Variants in DDX60 observed in about 807,000 individuals in gnomAD.
DDX60 encodes the protein probable ATP-dependent RNA helicase DDX60.
A neutral mutation model predicts 212.8 loss-of-function variants in DDX60; 165 were observed. That is an observed-to-expected ratio of 0.78 (90% CI 0.68 to 0.88). DDX60 has a LOEUF of 0.88. Ranked by LOEUF, DDX60 falls within the 40% of genes least tolerant of loss-of-function variation. The pLI is 0.00. For missense variants in DDX60, 1,905 were observed against 2,003.9 expected (o/e 0.95, Z 0.94); for synonymous variants, 703 against 685.3 (o/e 1.03, Z -0.40).
At chr4:168,228,725 A>G (rs1733343212) in intron 33 of DDX60, among the ~76,000 whole-genome samples, 1 of 152,050 alleles carries the variant, frequency 6.6e-6, no homozygotes, top group Non-Finnish European at 1.5e-5. Context: ...TTTATATGTA[A>G]TCACACATAA....
intron 22 of DDX60, chr4:168,263,538 C>T (rs1179312671): frequency 2.0e-5 from 3 of 152,054 alleles, no homozygotes; most frequent in African/African-American, 2.4e-5. Flanking sequence ...ATATTGAAAC[C>T]GAATCCCCAA....
intron 26 of DDX60, among the ~76,000 whole-genome samples, chr4:168,255,474 C>T (rs933853542): frequency 5.9e-5 from 9 of 152,154 alleles, no homozygotes; most frequent in Admixed American, 3.9e-4. Flanking sequence ...GGCTGACAGG[C>T]TGTGGTTCTA....
chr4:168,216,869 T>C lies in DDX60; in HGVS notation c.*64A>G. The C allele has an allele frequency of 9.9e-7, 1 of 1,010,132 alleles. No homozygotes were observed. The highest frequency in any genetic ancestry group is 1.5e-5 in the South Asian group (1 of 66,036). The allele number at this position is 1,010,132 out of a possible 1,614,324, so 62.6% of individuals were successfully genotyped here. A position where few individuals can be genotyped will look rare whatever the true frequency, so the allele number is the denominator to read the frequency against. On this transcript the variant is annotated 3_prime_UTR_variant, in exon 38 of 38. Transcript: ENST00000393743. ...GTATTTCTGGCAAGAAGCATAAGAA[T>C]CAAAAACGTGACCTGAAAAACTACT... is the stretch of plus-strand genomic sequence containing the variant.
At chr4:168,263,707 C>T (rs1199425417) in intron 22 of DDX60, 2 of 152,174 alleles carry the variant, frequency 1.3e-5, no homozygotes. Context: ...TATCTATGAA[C>T]CAGAAAGCAG....
In DDX60 at chr4:168,273,979, C is replaced by T. The variant is rs1435848355; in HGVS notation, c.2409G>A (p.Leu803=). Residue 803 remains leucine, a synonymous_variant, in exon 17 of 38, where the codon CTG becomes CTA. Transcript: ENST00000393743. ...CGACCACCCCGTCGTCGCTCTCCTT[C>T]AGCACTTTCTCCATACAGTAGTAGG... The part of the protein sequence containing the change: ...YASYYCMEKV[L]KESDDGVVVY... The T allele has an allele frequency of 1.9e-6, 3 of 1,614,088 alleles. No homozygotes were observed. The highest frequency in any genetic ancestry group is 1.3e-5 in the African/African-American group (1 of 74,932).
chr4:168,258,652 C>G (rs1047540512), intron 25 of DDX60, among the ~76,000 whole-genome samples: 1 of 152,052 alleles, frequency 6.6e-6, no homozygotes, highest in African/African-American at 2.4e-5. Context: ...TATAATTAAA[C>G]TTTTGATGTT....
intron 3 of DDX60, among the ~76,000 whole-genome samples, chr4:168,309,312 A>G (rs1212961952): frequency 1.3e-5 from 2 of 152,222 alleles, no homozygotes; most frequent in Non-Finnish European, 2.9e-5. Flanking sequence ...CAAAAAGCAG[A>G]GAAAGTCATG....
chr4:168,319,815 A>G (rs1737558665), upstream of DDX60, among the ~76,000 whole-genome samples: 1 of 152,202 alleles, frequency 6.6e-6, no homozygotes, highest in Non-Finnish European at 1.5e-5. Flanking sequence ...CAAGGAAAGG[A>G]AAGAGCCAAG....
intron 24 of DDX60, among the ~76,000 whole-genome samples, chr4:168,261,736 G>C (rs573905010): frequency 9.2e-5 from 14 of 152,294 alleles, no homozygotes; most frequent in African/African-American, 3.4e-4. Context: ...TCTATGGATA[G>C]TGAACCTTCT....
At chr4:168,286,234 T>C (rs1414785289) in intron 10 of DDX60, among the ~76,000 whole-genome samples, 3 of 151,912 alleles carry the variant, frequency 2.0e-5, no homozygotes, top group Non-Finnish European at 2.9e-5. Flanking sequence ...ATTTTGACGA[T>C]GGAAGCCTCA....
At chr4:168,276,295 GT>G in intron 14 of DDX60, 114 bp from the exon 15 acceptor site, 2 of 801,760 alleles carry the variant, frequency 2.5e-6, no homozygotes, top group Non-Finnish European at 1.9e-6. Context: ...ATTAGTGGAG[GT>G]TTTGGAGTAG....
At chr4:168,222,952 G>A (rs185000536) in intron 35 of DDX60, among the ~76,000 whole-genome samples, 2 of 152,104 alleles carry the variant, frequency 1.3e-5, no homozygotes, top group East Asian at 1.9e-4. Flanking sequence ...AAGAGAGTTC[G>A]ACGTTACAGC....
At chr4:168,270,177 G>T (rs1451821385) in intron 19 of DDX60, among the ~76,000 whole-genome samples, 3 of 152,196 alleles carry the variant, frequency 2.0e-5, no homozygotes, top group African/African-American at 7.2e-5. Flanking sequence ...CTGACACAAA[G>T]CCTAGCACTG....
chr4:168,232,150 T>C lies in DDX60; in HGVS notation c.4533+4102A>G, dbSNP rs77466161. Reference sequence around the variant, plus strand: ...TAGTAAAATAAAATACTTAGAAATATGCCTAACCAGGAGGTGAAAGACCTC... The same window carrying C: ...TAGTAAAATAAAATACTTAGAAATACGCCTAACCAGGAGGTGAAAGACCTC... On this transcript the variant is annotated intron_variant, in intron 33 of 37. Coordinates refer to ENST00000393743, the MANE Select transcript of DDX60 (RefSeq NM_017631.6). Among the ~76,000 whole-genome samples, 744 of 151,992 alleles carry C rather than the reference T, an allele frequency of 4.9e-3. 8 individuals are homozygous for C. Among genetic ancestry groups the C allele is most frequent in the African/African-American group, 0.017 (719 of 41,514 alleles).
intron 19 of DDX60, among the ~76,000 whole-genome samples, chr4:168,270,504 T>C (rs1360619076): frequency 2.0e-5 from 3 of 152,206 alleles, no homozygotes; most frequent in Non-Finnish European, 4.4e-5. Context: ...TTTTATCCCT[T>C]ACACAAAATT....
chr4:168,288,875 A>G (rs1182663667), intron 8 of DDX60, among the ~76,000 whole-genome samples: 2 of 152,234 alleles, frequency 1.3e-5, no homozygotes, highest in African/African-American at 4.8e-5. Context: ...AGAGGCCTCA[A>G]GAAATGTCAA....
intron 10 of DDX60, among the ~76,000 whole-genome samples, chr4:168,285,744 A>C (rs1735798572): frequency 6.7e-6 from 1 of 150,306 alleles, no homozygotes; most frequent in South Asian, 2.1e-4. Flanking sequence ...GGGTGGGTGG[A>C]TATGCATGGG....
Position 168,311,072 on chromosome 4 carries a change from AT to A in DDX60, c.5-6del. 1 of 1,543,670 alleles carries A rather than the reference AT, an allele frequency of 6.5e-7. No individual in the cohort carries two copies. The highest frequency in any genetic ancestry group is 8.9e-7 in the Non-Finnish European group (1 of 1,124,440). ...ATGTTGTAAGAACATTTCTTTCTAAATTTAAAAAAAAAGAGAGAAAGAGAAT... is the reference window on the plus strand; with the variant it reads ...ATGTTGTAAGAACATTTCTTTCTAAATTAAAAAAAAAGAGAGAAAGAGAAT... On this transcript the variant is annotated splice_region_variant and splice_polypyrimidine_tract_variant and intron_variant, in intron 2 of 37. Coordinates refer to ENST00000393743, the MANE Select transcript of DDX60 (RefSeq NM_017631.6).
intron 26 of DDX60, among the ~76,000 whole-genome samples, chr4:168,254,581 G>A (rs756438897): frequency 6.6e-6 from 1 of 152,024 alleles, no homozygotes; most frequent in Non-Finnish European, 1.5e-5. Flanking sequence ...AAAGACACAA[G>A]AAGAAAAATA....
Sources: allele counts gnomAD v4.1 joint callset (sites outside exome capture counted in the v4.1 genomes callset), GRCh38; gene constraint gnomAD v4.1.1; transcripts MANE v1.5; gene names NCBI Gene and HGNC (gene_info 2026-07-23, HGNC 2026-07-21).